The following CEACAM4 variants were observed in gnomAD, a reference collection of about 807,000 sequenced individuals.
The protein encoded by CEACAM4 is cell adhesion molecule CEACAM4.
A neutral mutation model predicts 28.7 loss-of-function variants in CEACAM4; 30 were observed. The ratio of observed to expected loss-of-function variants is 1.05; its 90% CI spans 0.78 to 1.42. The LOEUF (loss-of-function observed/expected upper bound fraction) is 1.42. CEACAM4 is among the 40% of genes most tolerant of loss of function. The pLI, the probability that CEACAM4 is intolerant of heterozygous loss-of-function variation, is 0.00. For missense variants in CEACAM4, 330 were observed against 308.2 expected (o/e 1.07, Z -0.53); for synonymous variants, 143 against 126.5 (o/e 1.13, Z -0.87).
intron 2 of CEACAM4, among the ~76,000 whole-genome samples, chr19:41,623,216 C>T (rs1907210089): frequency 6.6e-6 from 1 of 152,082 alleles, no homozygotes; most frequent in South Asian, 2.1e-4. Context: ...CGGGGTTTTG[C>T]CATGTTGGCC....
At chr19:41,614,844 G>A (rs1452660798), downstream of CEACAM4, among the ~76,000 whole-genome samples, 1 of 151,730 alleles carries the variant, frequency 6.6e-6, no homozygotes, top group Admixed American at 6.6e-5. Context: ...GGAGCAGGAG[G>A]CTGATGACTT....
chr19:41,626,373 A>G (rs2071664291), intron 1 of CEACAM4, among the ~76,000 whole-genome samples: 1 of 151,774 alleles, frequency 6.6e-6, no homozygotes, highest in South Asian at 2.1e-4. Context: ...CACATTCTAG[A>G]TCTCTTTAGG....
intron 2 of CEACAM4, among the ~76,000 whole-genome samples, chr19:41,624,167 G>A (rs1487649795): frequency 1.3e-5 from 2 of 152,120 alleles, no homozygotes; most frequent in Non-Finnish European, 2.9e-5. Context: ...GAACTACAGA[G>A]TGTGTGTCTC....
rs145081999 is a variant in CEACAM4, at chr19:41,619,082, C to G, written c.*248G>C. ...CCCGGGTGGGCCACAGGCCCATTCA[C>G]TTTCCTTGCAAGCCCCCGCTTCCTG... On this transcript the variant is annotated 3_prime_UTR_variant, in exon 7 of 7. Coordinates refer to ENST00000221954, the MANE Select transcript of CEACAM4 (RefSeq NM_001817.4). 955 of 532,442 alleles carry G rather than the reference C, an allele frequency of 1.8e-3. 7 individuals carry two copies. The highest frequency in any genetic ancestry group is 0.017 in the African/African-American group (900 of 51,752). 33.0% of individuals were successfully genotyped at this position (532,442 alleles called of 1,614,324 possible).
downstream of CEACAM4, among the ~76,000 whole-genome samples, chr19:41,615,526 A>G (rs1194981814): frequency 1.3e-5 from 2 of 152,082 alleles, no homozygotes; most frequent in Non-Finnish European, 2.9e-5. Context: ...CCAGGTATTC[A>G]GGGACCCAGA....
At chr19:41,614,196 G>A (rs2070963025), downstream of CEACAM4, among the ~76,000 whole-genome samples, 1 of 152,220 alleles carries the variant, frequency 6.6e-6, no homozygotes, top group Admixed American at 6.5e-5. Flanking sequence ...ACATTGACAT[G>A]ACCTTCTGCA....
downstream of CEACAM4, among the ~76,000 whole-genome samples, chr19:41,618,386 G>A (rs1227001080): frequency 6.6e-6 from 1 of 152,132 alleles, no homozygotes; most frequent in African/African-American, 2.4e-5. Flanking sequence ...AGTGCTCAAG[G>A]ACTGAATTAT....
At chr19:41,613,537 A>C in the CEACAM4 span, among the ~76,000 whole-genome samples, 1 of 151,978 alleles carries the variant, frequency 6.6e-6, no homozygotes, top group African/African-American at 2.4e-5. Flanking sequence ...ACACCCACAC[A>C]CACACACAGA....
rs782243741 is a variant in CEACAM4 at position 41,626,883 on chromosome 19, G to C, written c.64+17C>G. 1 of 1,610,080 alleles carries C rather than the reference G, an allele frequency of 6.2e-7. No individual in the cohort carries two copies. The highest frequency in any genetic ancestry group is 8.5e-7 in the Non-Finnish European group (1 of 1,177,056). ...GTGCTCCCTCTTCCCACCACTCCCA[G>C]AGAGTCCTCCCCTCACCTGTGATCA... On this transcript the variant is annotated intron_variant, in intron 1 of 6. Transcript: ENST00000221954.
chr19:41,625,638 G>A lies in CEACAM4; in HGVS notation c.387C>T (p.Tyr129=), dbSNP rs781825416. 3.0e-5 allele frequency: 48 copies of A among 1,595,274 alleles called. 1 individual carries two copies. The highest frequency in any genetic ancestry group is 9.4e-5 in the African/African-American group (7 of 74,618). Residue 129 remains tyrosine, a synonymous_variant, in exon 2 of 7, where the codon TAC becomes TAT. Transcript: ENST00000221954. ...GCTGGCCAGTTGCTTGGTCAGAGTC[G>A]TAACTGGCATTTATGGTTCGTAGGG... The part of the protein sequence containing the change: ...SYTLRTINAS[Y]DSDQATGQLH...
rs781931530 is a variant in CEACAM4 at position 41,625,674 on chromosome 19, T to G, written c.351A>C (p.Ala117=). 3 of 1,613,208 alleles carry G rather than the reference T, an allele frequency of 1.9e-6. No homozygotes were observed. Reference sequence around the variant, plus strand: ...TTATGGTTCGTAGGGTGTAGGATCCTGCGTCCTCCAGGGTGATGTTTTGGA... The same window carrying G: ...TTATGGTTCGTAGGGTGTAGGATCCGGCGTCCTCCAGGGTGATGTTTTGGA... The part of the protein sequence containing the change: ...LLFQNITLED[A]GSYTLRTINA... Residue 117 remains alanine (A), a synonymous_variant, in exon 2 of 7, where the codon GCA becomes GCC. Transcript: ENST00000221954.
At chr19:41,620,427 G>C in intron 4 of CEACAM4, 148 bp downstream of exon 4, 1 of 847,156 alleles carries the variant, frequency 1.2e-6, no homozygotes, top group Non-Finnish European at 1.8e-6. Flanking sequence ...GTCTGAACAA[G>C]ACAGTCGGGG....
intron 1 of CEACAM4, 117 bp from the exon 2 acceptor site, chr19:41,626,077 T>A (rs2071635049): frequency 2.2e-5 from 3 of 137,212 alleles, no homozygotes; most frequent in Non-Finnish European, 3.7e-5. Context: ...TGTGTGTGTG[T>A]GTGTGTGTGT....
In CEACAM4 at chr19:41,621,724, C is replaced by T. The variant is rs146123396; in HGVS notation, c.469G>A (p.Val157Met). 1.3e-3 allele frequency: 2,019 copies of T among 1,613,020 alleles called. 25 individuals are homozygous for T. In the African/African-American group the frequency reaches 0.023, roughly 19 times the overall value. Reference protein sequence around the residue: ...GLPVGAVAGIVTGVLVGVALV... With the variant: ...GLPVGAVAGIMTGVLVGVALV... The stretch of plus-strand genomic sequence containing the variant: ...GCCACCCCAACCAGGACCCCAGTCA[C>T]GATGCCAGCGACGGCCCCCACAGGA... Residue 157 changes from valine (V) to methionine (M), a missense_variant, in exon 3 of 7, where the codon GTG becomes ATG. Physicochemically the swap from Val to Met is conservative, Grantham distance 21. Transcript: ENST00000221954.
Position 41,620,612 on chromosome 19 carries a change from A to G in CEACAM4, c.558T>C (p.Arg186=). The change falls in exon 4 of 7, where the codon CGT becomes CGC. Residue 186 remains arginine (R), a synonymous_variant. Coordinates refer to ENST00000221954, the MANE Select transcript of CEACAM4 (RefSeq NM_001817.4). ...LSRTGRASIQ[R]DLREQPPPAS... ...CTGGGGGCGGCTGCTCCCTGAGGTC[A>G]CGCTGGATGCTGGCCCTAGGAAAGG... 1.9e-6 allele frequency: 3 copies of G among 1,613,034 alleles called. No homozygotes were observed. The highest frequency in any genetic ancestry group is 1.3e-5 in the African/African-American group (1 of 74,966).
At chr19:41,614,754 A>G (rs913868144), downstream of CEACAM4, among the ~76,000 whole-genome samples, 2 of 152,156 alleles carry the variant, frequency 1.3e-5, no homozygotes, top group Non-Finnish European at 2.9e-5. Flanking sequence ...ATCTGTGATT[A>G]CCACGCAAGG....
chr19:41,619,587 C>A, intron 6 of CEACAM4, 83 bp downstream of exon 6: 2 of 1,560,716 alleles, frequency 1.3e-6, no homozygotes, highest in South Asian at 2.3e-5. Flanking sequence ...TTTCCTGAAT[C>A]TGAGCTCAGC....
In CEACAM4 at chr19:41,621,772, C is replaced by G. The variant is rs1427560337; in HGVS notation, c.425-4G>C. 6.3e-7 allele frequency: 1 copy of G among 1,576,886 alleles called. No homozygotes were observed. The highest frequency in any genetic ancestry group is 1.7e-5 in the Admixed American group (1 of 58,830). ...GGAAGGCCTGGGACGTTGTTTTCTG[C>G]AGAAAGGGGAAGGCAAAGGGGACAA... On this transcript the variant is annotated splice_region_variant and splice_polypyrimidine_tract_variant and intron_variant, in intron 2 of 6. Coordinates refer to ENST00000221954, the MANE Select transcript of CEACAM4 (RefSeq NM_001817.4).
intron 1 of CEACAM4, among the ~76,000 whole-genome samples, chr19:41,626,452 C>T (rs2071670316): frequency 6.6e-6 from 1 of 152,098 alleles, no homozygotes; most frequent in Non-Finnish European, 1.5e-5. Context: ...TTGGTTGCAC[C>T]CCAGTGCCTG....
Sources: allele counts gnomAD v4.1 joint callset (sites outside exome capture counted in the v4.1 genomes callset), GRCh38; gene constraint gnomAD v4.1.1; transcripts MANE v1.5; gene names NCBI Gene and HGNC (gene_info 2026-07-23, HGNC 2026-07-21).